The following UBE2L3 variants were observed in gnomAD, a reference collection of about 807,000 sequenced individuals.
UBE2L3 encodes ubiquitin-conjugating enzyme E2 L3.
A neutral mutation model predicts 17.8 loss-of-function variants in UBE2L3; 1 was observed. That is an observed-to-expected ratio of 0.06 (90% CI 0.02 to 0.27). The LOEUF is 0.27. Ranked by LOEUF, UBE2L3 falls within the 10% of genes least tolerant of loss-of-function variation. The pLI, the probability that UBE2L3 is intolerant of heterozygous loss-of-function variation, is 1.00. For missense variants in UBE2L3, 40 were observed against 192.6 expected, an observed-to-expected ratio of 0.21 and a Z score of 4.69; for synonymous variants, 44 against 68.5, an observed-to-expected ratio of 0.64 and a Z score of 1.76.
intron 2 of UBE2L3, among the ~76,000 whole-genome samples, chr22:21,602,836 G>A (rs1414047066): frequency 6.6e-6 from 1 of 152,240 alleles, no homozygotes; most frequent in Non-Finnish European, 1.5e-5. Context: ...ATCCCACAAA[G>A]GTGATGAGGA....
At chr22:21,573,226 G>C (rs1568971322) in intron 1 of UBE2L3, among the ~76,000 whole-genome samples, 1 of 152,170 alleles carries the variant, frequency 6.6e-6, no homozygotes, top group Non-Finnish European at 1.5e-5. Flanking sequence ...ATTTAGTAGG[G>C]TGAGGATGAG....
intron 2 of UBE2L3, among the ~76,000 whole-genome samples, chr22:21,598,113 A>G (rs1175950220): frequency 6.7e-6 from 1 of 150,264 alleles, no homozygotes; most frequent in Non-Finnish European, 1.5e-5. Context: ...TTTTAATAAT[A>G]TGAGTCTTTT....
chr22:21,572,923 C>G (rs1659772983), intron 1 of UBE2L3, among the ~76,000 whole-genome samples: 1 of 152,168 alleles, frequency 6.6e-6, no homozygotes. Context: ...TGTCTAGTCA[C>G]CTGGCGGATT....
At chr22:21,601,950 C>T (rs1302244250) in intron 2 of UBE2L3, among the ~76,000 whole-genome samples, 2 of 143,514 alleles carry the variant, frequency 1.4e-5, no homozygotes, top group Non-Finnish European at 3.0e-5. Context: ...CCAGCCTCAG[C>T]GACAGAGACT....
chr22:21,615,122 T>A (rs1929696553), intron 3 of UBE2L3, among the ~76,000 whole-genome samples: 1 of 151,996 alleles, frequency 6.6e-6, no homozygotes, highest in African/African-American at 2.4e-5. Flanking sequence ...GCCATTGCAC[T>A]CCAGCCTGGG....
chr22:21,564,444 G>T (rs558061053), upstream of UBE2L3, among the ~76,000 whole-genome samples: 2 of 152,150 alleles, frequency 1.3e-5, no homozygotes, highest in Admixed American at 1.3e-4. Context: ...GCTAGAGGGA[G>T]CAATGAAGGT....
At chr22:21,607,806 G>A (rs915080474) in intron 2 of UBE2L3, among the ~76,000 whole-genome samples, 1 of 152,188 alleles carries the variant, frequency 6.6e-6, no homozygotes, top group African/African-American at 2.4e-5. Context: ...GCCCTGCCTG[G>A]TGATCACCTG....
chr22:21,605,583 A>G (rs544153968), intron 2 of UBE2L3, among the ~76,000 whole-genome samples: 2 of 151,530 alleles, frequency 1.3e-5, no homozygotes, highest in Non-Finnish European at 2.9e-5. Flanking sequence ...TCAGCTCACC[A>G]CAACCTCTGT....
At chr22:21,599,600 C>T (rs748764142) in intron 2 of UBE2L3, among the ~76,000 whole-genome samples, 25 of 152,072 alleles carry the variant, frequency 1.6e-4, no homozygotes, top group Non-Finnish European at 3.5e-4. Context: ...ATCTGGACTG[C>T]ATAGTGGAAG....
intron 2 of UBE2L3, among the ~76,000 whole-genome samples, chr22:21,604,196 A>T (rs1367740014): frequency 1.3e-5 from 2 of 152,190 alleles, no homozygotes; most frequent in African/African-American, 4.8e-5. Flanking sequence ...AGTCGTGTTC[A>T]TGTGAAGATA....
chr22:21,577,323 G>A (rs754205687), intron 1 of UBE2L3, among the ~76,000 whole-genome samples: 2 of 151,904 alleles, frequency 1.3e-5, no homozygotes, highest in African/African-American at 2.4e-5. Flanking sequence ...CAGGCTGGTC[G>A]TGAACTCCTA....
At chr22:21,593,358 C>T (rs1928360844) in intron 2 of UBE2L3, among the ~76,000 whole-genome samples, 1 of 152,128 alleles carries the variant, frequency 6.6e-6, no homozygotes, top group Non-Finnish European at 1.5e-5. Context: ...TGTCTCTAAC[C>T]CTTTGGATAC....
intron 1 of UBE2L3, among the ~76,000 whole-genome samples, chr22:21,580,157 G>A (rs1985739158): frequency 6.6e-6 from 1 of 152,220 alleles, no homozygotes; most frequent in Admixed American, 6.5e-5. Flanking sequence ...TTTCTAATGG[G>A]AGCATTAACT....
At chr22:21,617,281 T>TG (rs1269109410) in intron 3 of UBE2L3, among the ~76,000 whole-genome samples, 1 of 152,092 alleles carries the variant, frequency 6.6e-6, no homozygotes, top group Non-Finnish European at 1.5e-5. Context: ...TGTTTTTTGT[T>TG]GGGGGGACAG....
intron 2 of UBE2L3, among the ~76,000 whole-genome samples, chr22:21,608,485 G>A (rs541731073): frequency 2.0e-5 from 3 of 152,142 alleles, no homozygotes; most frequent in Middle Eastern, 3.4e-3. Flanking sequence ...GTGTAGTGGC[G>A]CAACCTCAGT....
At chr22:21,569,405 A>G (rs1268468753) in intron 1 of UBE2L3, among the ~76,000 whole-genome samples, 1 of 151,740 alleles carries the variant, frequency 6.6e-6, no homozygotes, top group East Asian at 1.9e-4. Context: ...CAAAAAAAAA[A>G]AAAAAAAAAA....
intron 1 of UBE2L3, among the ~76,000 whole-genome samples, chr22:21,587,772 A>G (rs1303647728): frequency 1.3e-5 from 2 of 152,090 alleles, no homozygotes; most frequent in Admixed American, 6.5e-5. Flanking sequence ...CAAAGCTGTT[A>G]AGTAACCATC....
chr22:21,582,770 T>A (rs892504454), intron 1 of UBE2L3, among the ~76,000 whole-genome samples: 2 of 152,178 alleles, frequency 1.3e-5, no homozygotes, highest in Admixed American at 6.6e-5. Context: ...AGGTTCCACC[T>A]GCCTCAGCCT....
chr22:21,574,351 C>T (rs1018501254), intron 1 of UBE2L3, among the ~76,000 whole-genome samples: 4 of 152,086 alleles, frequency 2.6e-5, no homozygotes, highest in Non-Finnish European at 4.4e-5. Flanking sequence ...TTACTTCGTC[C>T]GTGTGTGAAG....
Sources: allele counts gnomAD v4.1 joint callset (sites outside exome capture counted in the v4.1 genomes callset), GRCh38; gene constraint gnomAD v4.1.1; transcripts MANE v1.5; gene names NCBI Gene and HGNC (gene_info 2026-07-23, HGNC 2026-07-21).